ELL: variants seen among roughly 807,000 people sequenced by gnomAD.
ELL encodes elongation factor for RNA polymerase II.
Under a neutral mutation model 64.0 loss-of-function variants are expected in ELL, and 18 were observed. The observed-to-expected ratio is 0.28, with a 90% confidence interval of 0.19 to 0.42. The LOEUF is 0.42. Among genes scored for constraint, ELL ranks in the 10% least tolerant of loss-of-function variants. The pLI is 1.00. For synonymous variants in ELL, 399 were observed against 376.2 expected (o/e 1.06, Z -0.70); for missense variants, 797 against 870.4 (o/e 0.92, Z 1.06).
chr19:18,464,489 ATAC>A (rs1001731353), intron 4 of ELL, among the ~76,000 whole-genome samples: 1 of 117,356 alleles, frequency 8.5e-6, no homozygotes, highest in African/African-American at 4.7e-5. Flanking sequence ...CTCCCTGGCC[ATAC>A]AACATGTCCA....
intron 1 of ELL, among the ~76,000 whole-genome samples, chr19:18,519,740 G>C (rs555639511): frequency 6.7e-6 from 1 of 150,230 alleles, no homozygotes; most frequent in South Asian, 2.1e-4. Context: ...CCGGGAGGCA[G>C]AAGCTGCAGT....
chr19:18,487,560 C>T (rs1975446225), intron 1 of ELL, among the ~76,000 whole-genome samples: 1 of 152,236 alleles, frequency 6.6e-6, no homozygotes, highest in African/African-American at 2.4e-5. Context: ...CCTGATGTGG[C>T]CACGGCCAGG....
intron 1 of ELL, among the ~76,000 whole-genome samples, chr19:18,509,598 TACACACACACAC>T (rs1183127480): frequency 0.022 from 1,777 of 81,836 alleles, 45 homozygotes; most frequent in African/African-American, 0.034. Flanking sequence ...CGCGCGCACA[TACACACACACAC>T]ACACACACAC....
At chr19:18,473,301 A>ATCG (rs1975103552) in intron 1 of ELL, 1 of 462,146 alleles carries the variant, frequency 2.2e-6, no homozygotes, top group African/African-American at 2.0e-5. Flanking sequence ...ACCCTGGATC[A>ATCG]TGACTCTCCC....
rs1324525134 is a variant in ELL at position 18,444,107 on chromosome 19, C to T, written c.*645G>A. 2 of 230,984 alleles carry T rather than the reference C, an allele frequency of 8.7e-6. No individual in the cohort carries two copies. The highest frequency in any genetic ancestry group is 4.4e-5 in the African/African-American group (2 of 45,216). The allele number at this position is 230,984 out of a possible 1,614,324, so 14.3% of individuals were successfully genotyped here. ...CTGTCTGGGGGCACCAGCTGGAGTTCTCAAAATAGCCACCTGGGCCACCCT... is the reference window on the plus strand; with the variant it reads ...CTGTCTGGGGGCACCAGCTGGAGTTTTCAAAATAGCCACCTGGGCCACCCT... On this transcript the variant is annotated 3_prime_UTR_variant, in exon 12 of 12. Transcript: ENST00000262809.
At position 18,444,444 on chromosome 19, in the gene ELL, G is replaced by A. The variant is rs1460046088; in HGVS notation, c.*308C>T. The A allele has an allele frequency of 9.2e-6, 3 of 325,512 alleles. No individual in the cohort carries two copies. The highest frequency in any genetic ancestry group is 1.0e-4 in the South Asian group (1 of 9,536). 20.2% of individuals were successfully genotyped at this position (325,512 alleles called of 1,614,324 possible). A position where few individuals can be genotyped will look rare whatever the true frequency, so the allele number is the denominator to read the frequency against. On this transcript the variant is annotated 3_prime_UTR_variant, in exon 12 of 12. Transcript: ENST00000262809. ...TTGTATAAAACTAGAAAAGGCAGGCGCGCCACCCCAAGGGCCTAGGAGTCT... is the reference window on the plus strand; with the variant it reads ...TTGTATAAAACTAGAAAAGGCAGGCACGCCACCCCAAGGGCCTAGGAGTCT...
At chr19:18,489,382 C>T (rs1210487913) in intron 1 of ELL, among the ~76,000 whole-genome samples, 1 of 152,200 alleles carries the variant, frequency 6.6e-6, no homozygotes, top group Non-Finnish European at 1.5e-5. Context: ...GGGCAGACCT[C>T]GGGCTGGCCG....
At chr19:18,458,107 C>T in intron 6 of ELL, 98 bp downstream of exon 6, 6 of 1,550,154 alleles carry the variant, frequency 3.9e-6, no homozygotes, top group Non-Finnish European at 4.3e-6. Context: ...AGCCCTGTGG[C>T]CTTCAGGACC....
intron 1 of ELL, among the ~76,000 whole-genome samples, chr19:18,520,864 T>C (rs1046126650): frequency 2.0e-4 from 31 of 151,774 alleles, no homozygotes; most frequent in African/African-American, 6.8e-4. Flanking sequence ...CCTAAACCAC[T>C]TCCCCTCGGG....
intron 4 of ELL, among the ~76,000 whole-genome samples, chr19:18,464,355 G>C (rs1974893136): frequency 6.6e-6 from 1 of 152,186 alleles, no homozygotes; most frequent in Non-Finnish European, 1.5e-5. Flanking sequence ...GACAGAGAAA[G>C]GTCCTGTCTT....
chr19:18,446,001 A>C (rs1974406047), intron 10 of ELL: 2 of 367,704 alleles, frequency 5.4e-6, no homozygotes, highest in Non-Finnish European at 1.0e-5. Flanking sequence ...CTGTGAGAGG[A>C]CCCCAGGCGC....
At chr19:18,460,282 C>T (rs991515160) in intron 5 of ELL, among the ~76,000 whole-genome samples, 1 of 152,220 alleles carries the variant, frequency 6.6e-6, no homozygotes, top group African/African-American at 2.4e-5. Context: ...CTGACCCCCA[C>T]AGCTGCTTGG....
chr19:18,499,752 A>G (rs1975741716), intron 1 of ELL, among the ~76,000 whole-genome samples: 1 of 152,166 alleles, frequency 6.6e-6, no homozygotes, highest in Non-Finnish European at 1.5e-5. Flanking sequence ...AGAGGGGCAC[A>G]GGGGACAAGG....
chr19:18,513,683 G>A (rs1288492110), intron 1 of ELL, among the ~76,000 whole-genome samples: 1 of 152,186 alleles, frequency 6.6e-6, no homozygotes, highest in Non-Finnish European at 1.5e-5. Context: ...TGTAATCCCA[G>A]CACTTTGGGA....
At chr19:18,450,313 G>T (rs1226430130) in intron 8 of ELL, among the ~76,000 whole-genome samples, 164 bp downstream of exon 8, 1 of 152,242 alleles carries the variant, frequency 6.6e-6, no homozygotes. Context: ...GGAACATAGG[G>T]TGCCAGGTGC....
At chr19:18,509,072 G>A (rs968069465) in intron 1 of ELL, among the ~76,000 whole-genome samples, 1 of 152,168 alleles carries the variant, frequency 6.6e-6, no homozygotes, top group African/African-American at 2.4e-5. Flanking sequence ...GGGAAATGGA[G>A]CAAACATGAG....
chr19:18,445,151 GC>G (rs1386058848), intron 11 of ELL, 72 bp downstream of exon 11: 8 of 1,591,276 alleles, frequency 5.0e-6, no homozygotes, highest in Non-Finnish European at 6.9e-6. Flanking sequence ...CAGGGAGGCT[GC>G]CCCGGGCCCA....
At chr19:18,496,985 C>A (rs141695697) in intron 1 of ELL, among the ~76,000 whole-genome samples, 1 of 152,192 alleles carries the variant, frequency 6.6e-6, no homozygotes. Context: ...TCAACAGATT[C>A]CTGAAAAACT....
chr19:18,511,048 A>G (rs1407449829), intron 1 of ELL, among the ~76,000 whole-genome samples: 2 of 151,574 alleles, frequency 1.3e-5, no homozygotes, highest in East Asian at 3.9e-4. Context: ...CGGGCAGATC[A>G]TGAGGTCAGG....
Sources: allele counts gnomAD v4.1 joint callset (sites outside exome capture counted in the v4.1 genomes callset), GRCh38; gene constraint gnomAD v4.1.1; transcripts MANE v1.5; gene names NCBI Gene and HGNC (gene_info 2026-07-23, HGNC 2026-07-21).